Variants in DCC observed in about 807,000 individuals in gnomAD.
DCC encodes netrin receptor DCC.
In DCC, 58 loss-of-function variants were observed where a neutral mutation model predicts 172.5. The ratio of observed to expected loss-of-function variants is 0.34; its 90% CI spans 0.27 to 0.42. DCC has a LOEUF of 0.42. Ranked by LOEUF, DCC falls within the 10% of genes least tolerant of loss-of-function variation. DCC has a pLI of 1.00. For synonymous variants in DCC, 709 were observed against 644.5 expected (o/e 1.10, Z -1.52); for missense variants, 1,740 against 1,791.0 (o/e 0.97, Z 0.51).
At chr18:53,292,800 A>G (rs1019371177) in intron 12 of DCC, among the ~76,000 whole-genome samples, 5 of 152,348 alleles carry the variant, frequency 3.3e-5, no homozygotes, top group Admixed American at 6.5e-5. Context: ...TAATTGTTGC[A>G]ATCAGATTAA....
chr18:52,490,765 TG>T (rs367641284), intron 1 of DCC, among the ~76,000 whole-genome samples: 261 of 152,208 alleles, frequency 1.7e-3, no homozygotes, highest in African/African-American at 6.1e-3. Flanking sequence ...TTATTTGTTT[TG>T]GGGTATTAGG....
intron 1 of DCC, among the ~76,000 whole-genome samples, chr18:52,358,175 C>T (rs1171684962): frequency 6.6e-6 from 1 of 152,158 alleles, no homozygotes; most frequent in Non-Finnish European, 1.5e-5. Context: ...TTAAAATGAT[C>T]TAAGTCTTCA....
chr18:53,011,988 C>T (rs561474375), intron 5 of DCC, among the ~76,000 whole-genome samples: 74 of 151,860 alleles, frequency 4.9e-4, no homozygotes, highest in Non-Finnish European at 7.8e-4. Flanking sequence ...TTAAACAATG[C>T]TGAAATACCC....
At chr18:53,310,226 A>G (rs554479375) in intron 13 of DCC, among the ~76,000 whole-genome samples, 1 of 152,098 alleles carries the variant, frequency 6.6e-6, no homozygotes, top group South Asian at 2.1e-4. Context: ...TGTCCCCAGG[A>G]TATATATAGC....
chr18:52,446,135 G>A (rs555727322), intron 1 of DCC, among the ~76,000 whole-genome samples: 2 of 152,088 alleles, frequency 1.3e-5, no homozygotes, highest in South Asian at 2.1e-4. Context: ...GGGTTTCACC[G>A]TGGTCTCGAT....
At chr18:52,622,541 AG>A (rs2034499617) in intron 1 of DCC, among the ~76,000 whole-genome samples, 1 of 152,048 alleles carries the variant, frequency 6.6e-6, no homozygotes. Flanking sequence ...GCACCAGCCC[AG>A]GGGTTCATTC....
At chr18:52,842,206 T>C (rs1169095175) in intron 2 of DCC, among the ~76,000 whole-genome samples, 1 of 152,116 alleles carries the variant, frequency 6.6e-6, no homozygotes, top group Non-Finnish European at 1.5e-5. Context: ...ATGAGTTTAG[T>C]AAGGGAAAGT....
intron 2 of DCC, among the ~76,000 whole-genome samples, chr18:52,814,878 T>C (rs539770323): frequency 9.9e-5 from 15 of 152,206 alleles, no homozygotes; most frequent in African/African-American, 3.6e-4. Context: ...GTTGGTACAG[T>C]GAGTGATTAG....
chr18:52,680,638 G>A (rs1029232869), intron 1 of DCC, among the ~76,000 whole-genome samples: 13 of 152,188 alleles, frequency 8.5e-5, no homozygotes, highest in Admixed American at 7.9e-4. Flanking sequence ...TATCCCCATG[G>A]AACAACACAG....
Position 53,533,669 on chromosome 18 carries a change from A to C in DCC, c.*3016A>C, listed in dbSNP as rs1318723978. On this transcript the variant is annotated 3_prime_UTR_variant, in exon 29 of 29. Transcript: ENST00000442544. Reference sequence around the variant, plus strand: ...AATCATAGCCAATAAGAAACCAGTCATACTTGCCTCTTTGAATAACAGAGA... The same window carrying C: ...AATCATAGCCAATAAGAAACCAGTCCTACTTGCCTCTTTGAATAACAGAGA... 2 of 152,218 alleles carry C rather than the reference A, an allele frequency of 1.3e-5. No homozygotes were observed. The highest frequency in any genetic ancestry group is 4.8e-5 in the African/African-American group (2 of 41,472). 9.4% of individuals were successfully genotyped at this position (152,218 alleles called of 1,614,324 possible).
chr18:53,100,844 A>C (rs773780432), intron 7 of DCC, among the ~76,000 whole-genome samples: 2 of 152,076 alleles, frequency 1.3e-5, no homozygotes, highest in Admixed American at 6.6e-5. Flanking sequence ...AGAGGAATGG[A>C]GAGAGCCTGT....
intron 1 of DCC, among the ~76,000 whole-genome samples, chr18:52,473,768 G>A (rs563976550): frequency 1.3e-5 from 2 of 152,218 alleles, no homozygotes; most frequent in Middle Eastern, 3.4e-3. Context: ...TGAGATTTGG[G>A]TTGGGACACA....
intron 17 of DCC, 121 bp from the exon 18 acceptor site, chr18:53,397,187 C>T (rs184019592): frequency 6.6e-5 from 58 of 877,420 alleles, no homozygotes; most frequent in Non-Finnish European, 9.1e-5. Context: ...TGCTCTACTC[C>T]TCTGCTGTTT....
chr18:53,177,053 A>G (rs1444280385), intron 8 of DCC, among the ~76,000 whole-genome samples: 5 of 152,100 alleles, frequency 3.3e-5, no homozygotes, highest in African/African-American at 1.2e-4. Context: ...ATTGGCAATC[A>G]TCATTCTCAG....
intron 7 of DCC, among the ~76,000 whole-genome samples, chr18:53,151,082 G>A (rs1315486380): frequency 6.6e-6 from 1 of 152,222 alleles, no homozygotes; most frequent in African/African-American, 2.4e-5. Flanking sequence ...TTCTCACCCA[G>A]TGCCTTGCAC....
chr18:52,808,424 C>T (rs2038129185), intron 2 of DCC, among the ~76,000 whole-genome samples: 1 of 151,110 alleles, frequency 6.6e-6, no homozygotes, highest in Non-Finnish European at 1.5e-5. Context: ...TTCCTACAAC[C>T]TCCCACCCAC....
At chr18:52,961,723 G>A (rs935796341) in intron 5 of DCC, among the ~76,000 whole-genome samples, 16 of 152,296 alleles carry the variant, frequency 1.1e-4, no homozygotes, top group African/African-American at 3.8e-4. Context: ...CAAGGCTACA[G>A]TAACCAAAAC....
At chr18:52,725,672 T>C (rs182731349) in intron 1 of DCC, among the ~76,000 whole-genome samples, 143 of 152,292 alleles carry the variant, frequency 9.4e-4, no homozygotes, top group African/African-American at 2.9e-3. Flanking sequence ...TTTATCTTAC[T>C]AGGAGTAAAG....
chr18:53,040,610 G>C (rs2042156256), intron 5 of DCC, among the ~76,000 whole-genome samples: 1 of 151,930 alleles, frequency 6.6e-6, no homozygotes, highest in Non-Finnish European at 1.5e-5. Context: ...CTATAAGATT[G>C]CAGAATTTGG....
Sources: allele counts gnomAD v4.1 joint callset (sites outside exome capture counted in the v4.1 genomes callset), GRCh38; gene constraint gnomAD v4.1.1; transcripts MANE v1.5; gene names NCBI Gene and HGNC (gene_info 2026-07-23, HGNC 2026-07-21).